Variants in GADL1 observed in about 807,000 individuals in gnomAD.
GADL1 encodes GAD like acidic amino acid decarboxylase 1, also known as acidic amino acid decarboxylase GADL1.
GADL1 carries 71 observed loss-of-function variants against 69.5 expected under a neutral mutation model. The ratio of observed to expected loss-of-function variants is 1.02; its 90% CI spans 0.84 to 1.25. The LOEUF (loss-of-function observed/expected upper bound fraction) is 1.25. Ranked by LOEUF, GADL1 falls within the 50% of genes most tolerant of loss-of-function variation. GADL1 has a pLI of 0.00. For missense variants in GADL1, 737 were observed against 631.8 expected (o/e 1.17, Z -1.79); for synonymous variants, 254 against 214.4 (o/e 1.18, Z -1.62).
chr3:30,749,849 A>T (rs1161702014), intron 14 of GADL1, among the ~76,000 whole-genome samples: 1 of 152,206 alleles, frequency 6.6e-6, no homozygotes, highest in Non-Finnish European at 1.5e-5. Flanking sequence ...ACATGAAAAC[A>T]ACTATGATAT....
At chr3:30,877,481 G>A (rs1323604156) in intron 1 of GADL1, among the ~76,000 whole-genome samples, 1 of 151,764 alleles carries the variant, frequency 6.6e-6, no homozygotes, top group African/African-American at 2.4e-5. Flanking sequence ...CTCTATCACT[G>A]CATCATACAA....
At chr3:30,817,645 A>G (rs1429581809) in intron 11 of GADL1, among the ~76,000 whole-genome samples, 1 of 152,196 alleles carries the variant, frequency 6.6e-6, no homozygotes, top group African/African-American at 2.4e-5. Flanking sequence ...TATGTATTTC[A>G]TTGCATTTCA....
intron 11 of GADL1, among the ~76,000 whole-genome samples, chr3:30,830,159 C>T (rs1391465438): frequency 6.6e-6 from 1 of 151,798 alleles, no homozygotes; most frequent in African/African-American, 2.4e-5. Flanking sequence ...TTTGACCTAC[C>T]TCCCCTAAAA....
Position 30,845,325 on chromosome 3 carries a change from C to T in GADL1, c.652-859G>A, listed in dbSNP as rs17026688. ...ATTAGCATGCAAACATTGGATATGT[C>T]GCTCTTCATACATTAGTGAGGACAG... On this transcript the variant is annotated intron_variant, in intron 6 of 14. Transcript: ENST00000282538. Among the ~76,000 whole-genome samples, 1,892 of 152,156 alleles carry T rather than the reference C, an allele frequency of 0.012. 165 individuals are homozygous for T. The East Asian group carries it at 0.25, about 20-fold the overall frequency.
intron 11 of GADL1, among the ~76,000 whole-genome samples, chr3:30,813,264 G>A (rs1474754264): frequency 6.6e-6 from 1 of 152,100 alleles, no homozygotes. Flanking sequence ...CCACCTCCTG[G>A]AGATATTTGG....
chr3:30,763,343 AAC>A (rs1696186912), intron 14 of GADL1, among the ~76,000 whole-genome samples: 1 of 151,996 alleles, frequency 6.6e-6, no homozygotes, highest in Admixed American at 6.6e-5. Context: ...TACTAAAAAT[AAC>A]ACAAAAAATT....
At chr3:30,731,028 C>A (rs1036085415) in intron 14 of GADL1, among the ~76,000 whole-genome samples, 4 of 152,174 alleles carry the variant, frequency 2.6e-5, no homozygotes, top group African/African-American at 7.2e-5. Flanking sequence ...GTTTTTAATT[C>A]AAAGAACAAG....
At chr3:30,774,855 CAG>C (rs1178654242) in intron 14 of GADL1, among the ~76,000 whole-genome samples, 5 of 151,896 alleles carry the variant, frequency 3.3e-5, no homozygotes, top group African/African-American at 9.7e-5. Flanking sequence ...GGAAGCAAGT[CAG>C]AGACTTCCAG....
chr3:30,836,515 T>G (rs1697877071), intron 9 of GADL1, among the ~76,000 whole-genome samples: 1 of 152,120 alleles, frequency 6.6e-6, no homozygotes, highest in Non-Finnish European at 1.5e-5. Context: ...AGTTTGGCTT[T>G]CCATCTCAAT....
intron 14 of GADL1, among the ~76,000 whole-genome samples, chr3:30,762,045 A>AG (rs1287572394): frequency 6.6e-6 from 1 of 152,170 alleles, no homozygotes; most frequent in African/African-American, 2.4e-5. Context: ...GGTAGGTGAG[A>AG]GGTCTGGATG....
chr3:30,872,441 A>G (rs757495056), intron 1 of GADL1, among the ~76,000 whole-genome samples: 8 of 151,716 alleles, frequency 5.3e-5, no homozygotes, highest in Non-Finnish European at 1.0e-4. Context: ...TTTCTTGTCT[A>G]TATACATTTA....
intron 14 of GADL1, among the ~76,000 whole-genome samples, chr3:30,764,986 A>G (rs1381159046): frequency 1.3e-5 from 2 of 152,192 alleles, no homozygotes; most frequent in Non-Finnish European, 2.9e-5. Context: ...GATTGCAGGA[A>G]AAGTCTGACA....
chr3:30,848,111 T>C (rs1330141351), intron 6 of GADL1, among the ~76,000 whole-genome samples: 1 of 152,158 alleles, frequency 6.6e-6, no homozygotes, highest in South Asian at 2.1e-4. Context: ...GTCCCTCACA[T>C]TGAAACATCC....
intron 3 of GADL1, among the ~76,000 whole-genome samples, chr3:30,855,521 CT>C (rs1698215660): frequency 6.6e-6 from 1 of 152,062 alleles, no homozygotes; most frequent in Non-Finnish European, 1.5e-5. Context: ...ATGTGACTCA[CT>C]ATGCGGCTTA....
At chr3:30,805,665 C>A (rs537507102) in intron 11 of GADL1, among the ~76,000 whole-genome samples, 2 of 147,678 alleles carry the variant, frequency 1.4e-5, no homozygotes, top group Non-Finnish European at 3.0e-5. Context: ...TCAGAATCTG[C>A]GGTCTCTTTT....
rs990704199 is a variant in GADL1, at chr3:30,726,984, A to G, written c.*1258T>C. The G allele has an allele frequency of 1.3e-5, 2 of 152,462 alleles. No homozygotes were observed. Among genetic ancestry groups the G allele is most frequent in the Non-Finnish European group, 2.9e-5 (2 of 68,002 alleles). 9.4% of individuals were successfully genotyped at this position (152,462 alleles called of 1,614,324 possible). ...CAAAGCTTAGGAAAGGGAATGTTGT[A>G]CAACCCTGGACTTCATTGTGTTTAT... On this transcript the variant is annotated 3_prime_UTR_variant, in exon 15 of 15. Coordinates refer to ENST00000282538, the MANE Select transcript of GADL1 (RefSeq NM_207359.3).
intron 1 of GADL1, among the ~76,000 whole-genome samples, chr3:30,882,770 A>G (rs1162817638): frequency 6.6e-6 from 1 of 151,818 alleles, no homozygotes; most frequent in Non-Finnish European, 1.5e-5. Flanking sequence ...ACCATTGTAC[A>G]ATGTCTCTAA....
chr3:30,850,090 T>C lies in GADL1; in HGVS notation c.557A>G (p.Tyr186Cys), dbSNP rs1698126073. 3 of 1,605,740 alleles carry C rather than the reference T, an allele frequency of 1.9e-6. No homozygotes were observed. The highest frequency in any genetic ancestry group is 2.6e-6 in the Non-Finnish European group (3 of 1,173,106). Residue 186 changes from tyrosine (Y) to cysteine (C), a missense_variant, in exon 6 of 15, where the codon TAT becomes TGT. By Grantham distance (194) the Tyr-to-Cys change is radical. Transcript: ENST00000282538. The stretch of plus-strand genomic sequence containing the variant: ...TTTGTATCTAGCTAAATTCATTGCA[T>C]ACATATTGGACACTGAGCCACCTGC... ...FNPGGSVSNM[Y>C]AMNLARYKYC...
intron 13 of GADL1, among the ~76,000 whole-genome samples, chr3:30,784,968 C>A (rs890370019): frequency 2.6e-5 from 4 of 152,154 alleles, no homozygotes; most frequent in Non-Finnish European, 5.9e-5. Context: ...CAGTTGTTTA[C>A]CAATTCTGCC....
Sources: gnomAD v4.1 joint callset for allele counts (sites outside exome capture counted in the v4.1 genomes callset) on GRCh38, gnomAD v4.1.1 for gene constraint, MANE v1.5 for transcripts, NCBI Gene and HGNC (gene_info 2026-07-23, HGNC 2026-07-21) for gene names.